ANKRD30B: variants seen among roughly 807,000 people sequenced by gnomAD.
The protein encoded by ANKRD30B is ankyrin repeat domain 30B.
Under a neutral mutation model 202.2 loss-of-function variants are expected in ANKRD30B, and 144 were observed. That is an observed-to-expected ratio of 0.71 (90% CI 0.62 to 0.82). ANKRD30B has a LOEUF of 0.82. Among genes scored for constraint, ANKRD30B ranks in the 40% least tolerant of loss-of-function variants. ANKRD30B has a pLI of 0.00. For missense variants in ANKRD30B, 1,487 were observed against 1,669.1 expected (o/e 0.89, Z 1.90); for synonymous variants, 508 against 561.3 (o/e 0.91, Z 1.34).
intron 4 of ANKRD30B, among the ~76,000 whole-genome samples, chr18:14,756,487 T>C (rs1164058113): frequency 6.6e-6 from 1 of 152,356 alleles, no homozygotes; most frequent in African/African-American, 2.4e-5. Flanking sequence ...CCCATGCCTA[T>C]GTCCTGAATG....
At chr18:14,872,877 C>T in the ANKRD30B span, among the ~76,000 whole-genome samples, 2 of 152,094 alleles carry the variant, frequency 1.3e-5, no homozygotes, top group African/African-American at 4.8e-5. Context: ...CCTACTTTTC[C>T]TAATCTCATG....
the ANKRD30B span, among the ~76,000 whole-genome samples, chr18:14,921,564 G>GAAA: frequency 6.6e-6 from 1 of 150,896 alleles, no homozygotes; most frequent in Non-Finnish European, 1.5e-5. Flanking sequence ...AGTAAAAAGG[G>GAAA]AAAAAAAAAT....
At chr18:14,781,478 T>C (rs762960543) in intron 11 of ANKRD30B, among the ~76,000 whole-genome samples, 2 of 61,216 alleles carry the variant, frequency 3.3e-5, no homozygotes, top group Non-Finnish European at 7.7e-5. Flanking sequence ...TGCATTTTTT[T>C]AGTAGAGACG....
chr18:14,860,648 A>T, the ANKRD30B span, among the ~76,000 whole-genome samples: 2 of 151,568 alleles, frequency 1.3e-5, no homozygotes, highest in South Asian at 2.1e-4. Flanking sequence ...AAACCCTGCA[A>T]CCTAGAAAAG....
the ANKRD30B span, among the ~76,000 whole-genome samples, chr18:14,873,704 G>A: frequency 1.3e-5 from 2 of 152,036 alleles, no homozygotes; most frequent in Admixed American, 6.6e-5. Flanking sequence ...ATTAAGTCCT[G>A]TATAAAATGC....
At chr18:14,916,014 T>G in the ANKRD30B span, among the ~76,000 whole-genome samples, 1 of 152,240 alleles carries the variant, frequency 6.6e-6, no homozygotes, top group Non-Finnish European at 1.5e-5. Flanking sequence ...CCATTTTATA[T>G]TAGAAATCTA....
the ANKRD30B span, among the ~76,000 whole-genome samples, chr18:14,939,401 C>G: frequency 6.6e-6 from 1 of 152,212 alleles, no homozygotes; most frequent in Non-Finnish European, 1.5e-5. Flanking sequence ...CCCAAGGTCC[C>G]TGTCCCCAGG....
intron 1 of ANKRD30B, among the ~76,000 whole-genome samples, chr18:14,749,620 G>T (rs961666987): frequency 1.4e-5 from 2 of 138,422 alleles, no homozygotes; most frequent in Non-Finnish European, 3.0e-5. Flanking sequence ...GCAGTGAGCC[G>T]AGATCCCACC....
At chr18:14,764,796 T>C (rs1255501784) in intron 7 of ANKRD30B, among the ~76,000 whole-genome samples, 3 of 152,282 alleles carry the variant, frequency 2.0e-5, no homozygotes, top group East Asian at 1.9e-4. Flanking sequence ...TTCTTTTAAA[T>C]AGAGAGAAAA....
the ANKRD30B span, among the ~76,000 whole-genome samples, chr18:14,888,173 T>A: frequency 6.6e-6 from 1 of 151,982 alleles, no homozygotes; most frequent in Non-Finnish European, 1.5e-5. Flanking sequence ...AATATTCTTT[T>A]TTTCTGATTA....
At chr18:14,862,872 T>C in the ANKRD30B span, among the ~76,000 whole-genome samples, 1 of 152,228 alleles carries the variant, frequency 6.6e-6, no homozygotes, top group African/African-American at 2.4e-5. Flanking sequence ...AAGAATTATT[T>C]TGGAGCTTGA....
At chr18:14,899,143 G>C in the ANKRD30B span, among the ~76,000 whole-genome samples, 1 of 151,966 alleles carries the variant, frequency 6.6e-6, no homozygotes. Flanking sequence ...AATAAATTTT[G>C]TTTTAGGTTA....
intron 7 of ANKRD30B, among the ~76,000 whole-genome samples, chr18:14,766,472 C>CAAAAAAAAAAAAAAAAAAA (rs1168681924): frequency 5.4e-5 from 3 of 55,594 alleles, no homozygotes; most frequent in African/African-American, 1.3e-4. Context: ...GACTCCATCT[C>CAAAAAAAAAAAAAAAAAAA]AAAAAAAAAA....
At chr18:14,906,240 C>T in the ANKRD30B span, among the ~76,000 whole-genome samples, 1 of 152,096 alleles carries the variant, frequency 6.6e-6, no homozygotes, top group Non-Finnish European at 1.5e-5. Context: ...CAGTCTCTGC[C>T]TCTCCCTTCC....
the ANKRD30B span, among the ~76,000 whole-genome samples, chr18:14,902,362 A>G: frequency 6.6e-6 from 1 of 152,178 alleles, no homozygotes; most frequent in African/African-American, 2.4e-5. Context: ...GATTTACCCA[A>G]TTCATACAAG....
At chr18:14,927,973 ATT>A in the ANKRD30B span, among the ~76,000 whole-genome samples, 1 of 146,302 alleles carries the variant, frequency 6.8e-6, no homozygotes, top group Non-Finnish European at 1.5e-5. Flanking sequence ...TGTGATGGTA[ATT>A]TTTTTTTTTT....
the ANKRD30B span, among the ~76,000 whole-genome samples, chr18:14,882,473 T>C: frequency 2.0e-5 from 3 of 152,224 alleles, no homozygotes; most frequent in Admixed American, 6.5e-5. Context: ...AGAGAGTGCG[T>C]GATACAATTT....
intron 24 of ANKRD30B, chr18:14,808,335 G>C (rs755203825): frequency 1.7e-6 from 1 of 575,092 alleles, no homozygotes; most frequent in African/African-American, 1.9e-5. Flanking sequence ...AATCTTCATA[G>C]CACGTTTGAT....
chr18:14,877,076 T>A, the ANKRD30B span, among the ~76,000 whole-genome samples: 1 of 152,346 alleles, frequency 6.6e-6, no homozygotes, highest in South Asian at 2.1e-4. Flanking sequence ...AGCAGTCTCT[T>A]CTTTGAGTAT....
Sources: allele counts gnomAD v4.1 joint callset (sites outside exome capture counted in the v4.1 genomes callset), GRCh38; gene constraint gnomAD v4.1.1; transcripts MANE v1.5; gene names NCBI Gene and HGNC (gene_info 2026-07-23, HGNC 2026-07-21).